The following TXNDC15 variants were observed in gnomAD, a reference collection of about 807,000 sequenced individuals.
TXNDC15 encodes the protein thioredoxin domain containing 15, also known as thioredoxin domain-containing protein 15.
TXNDC15 carries 24 observed loss-of-function variants against 35.0 expected under a neutral mutation model. The ratio of observed to expected loss-of-function variants is 0.68; its 90% CI spans 0.50 to 0.96. The LOEUF (loss-of-function observed/expected upper bound fraction) is 0.96, where lower values mean the gene tolerates loss of function less well. TXNDC15 is among the 40% of genes least tolerant of loss of function. The pLI is 0.00. For missense variants in TXNDC15, 385 were observed against 453.3 expected, an observed-to-expected ratio of 0.85 and a Z score of 1.37; for synonymous variants, 169 against 174.0, an observed-to-expected ratio of 0.97 and a Z score of 0.23.
rs935268318 is a variant in TXNDC15 at position 134,899,946 on chromosome 5, T to G, written c.*261T>G. On this transcript the variant is annotated 3_prime_UTR_variant, in exon 5 of 5. Coordinates refer to ENST00000358387, the MANE Select transcript of TXNDC15 (RefSeq NM_024715.4). ...TGAACGTAATCCAGTATTTGGAAAG[T>G]AATCCAGTTTGAAATGTGAAGATGT... 9 of 344,392 alleles carry G rather than the reference T, an allele frequency of 2.6e-5. No homozygotes were observed. The South Asian group carries it at 3.8e-4, about 14-fold the overall frequency. 21.3% of individuals were successfully genotyped at this position (344,392 alleles called of 1,614,324 possible).
chr5:134,884,882 C>G (rs980320327), intron 1 of TXNDC15, among the ~76,000 whole-genome samples: 5 of 148,894 alleles, frequency 3.4e-5, no homozygotes, highest in Non-Finnish European at 7.4e-5. Flanking sequence ...ATGAATTTTA[C>G]TTTGTTGAAT....
At chr5:134,897,526 G>T (rs1750518097) in intron 4 of TXNDC15, among the ~76,000 whole-genome samples, 1 of 152,246 alleles carries the variant, frequency 6.6e-6, no homozygotes, top group South Asian at 2.1e-4. Context: ...TCAGATTACA[G>T]GTGTGAGCCA....
intron 1 of TXNDC15, among the ~76,000 whole-genome samples, chr5:134,878,022 G>A (rs899303658): frequency 6.6e-6 from 1 of 152,106 alleles, no homozygotes; most frequent in African/African-American, 2.4e-5. Context: ...TGATCTGCCC[G>A]CCTTGACCTC....
At chr5:134,885,201 C>T (rs1254551092) in intron 1 of TXNDC15, among the ~76,000 whole-genome samples, 1 of 152,154 alleles carries the variant, frequency 6.6e-6, no homozygotes, top group Non-Finnish European at 1.5e-5. Context: ...GGATTACAGG[C>T]GTGAGCCACT....
At position 134,900,067 on chromosome 5, in the gene TXNDC15, A is replaced by C. The variant is rs1007174873; in HGVS notation, c.*382A>C. The C allele has an allele frequency of 1.2e-5, 2 of 161,332 alleles. No individual in the cohort carries two copies. Among genetic ancestry groups the C allele is most frequent in the African/African-American group, 4.8e-5 (2 of 41,642 alleles). 10.0% of individuals were successfully genotyped at this position (161,332 alleles called of 1,614,324 possible). A position where few individuals can be genotyped will look rare whatever the true frequency, so the allele number is the denominator to read the frequency against. ...AGTTTAAGGAAACCCTTGATTCCTT[A>C]TATATGTTTAAGAAGGTTAGTTTTC... On this transcript the variant is annotated 3_prime_UTR_variant, in exon 5 of 5. Transcript: ENST00000358387.
intron 1 of TXNDC15, among the ~76,000 whole-genome samples, chr5:134,877,177 A>G (rs1303000839): frequency 6.6e-6 from 1 of 152,102 alleles, no homozygotes; most frequent in Non-Finnish European, 1.5e-5. Flanking sequence ...GAGGAGGATG[A>G]AGGATTTGGC....
chr5:134,887,746 T>G lies in TXNDC15; in HGVS notation c.155T>G (p.Leu52Arg). The G allele has an allele frequency of 6.2e-7, 1 of 1,612,002 alleles. No homozygotes were observed. The highest frequency in any genetic ancestry group is 8.5e-7 in the Non-Finnish European group (1 of 1,178,356). Residue 52 changes from leucine (L) to arginine (R), a missense_variant, in exon 2 of 5, where the codon CTC (leucine) becomes CGC (arginine). Coordinates refer to ENST00000358387, the MANE Select transcript of TXNDC15 (RefSeq NM_024715.4). ...TCAGAGGAGCAGCCTGCTCACCCTC[T>G]CCAGGTGGGGGCTGTGTACCTGGGT... Reference protein sequence around the residue: ...LWSEEQPAHPLQVGAVYLGEE... With the variant: ...LWSEEQPAHPRQVGAVYLGEE...
intron 1 of TXNDC15, among the ~76,000 whole-genome samples, chr5:134,882,952 A>G (rs1382960057): frequency 2.0e-5 from 3 of 152,106 alleles, no homozygotes; most frequent in South Asian, 2.1e-4. Context: ...ATAGAGTGCA[A>G]TTTTCATCTC....
In TXNDC15 at chr5:134,899,564, G is replaced by A; in HGVS notation, c.962G>A (p.Ser321Asn). ...CCTCTTCCCAGCACTTTGATAAAAA[G>A]TGTGGACTGGTTGCTTGTATTTTCC... The part of the protein sequence containing the change: ...IGPLPSTLIK[S>N]VDWLLVFSLF... The change falls in exon 5 of 5, where the codon AGT becomes AAT. Residue 321 changes from serine (S) to asparagine (N), a missense_variant. Ser to Asn is a conservative substitution (Grantham distance 46). Transcript: ENST00000358387. 6.2e-7 allele frequency: 1 copy of A among 1,614,002 alleles called. No homozygotes were observed.
rs376199382 is a variant in TXNDC15 at position 134,874,470 on chromosome 5, C to T, written c.43C>T (p.Leu15Phe). Reference protein sequence around the residue: ...AGRRPPRVMRLLGWWQVLLWV... With the variant: ...AGRRPPRVMRFLGWWQVLLWV... ...TCGACGACCGCCCCGCGTCATGCGG[C>T]TCCTCGGCTGGTGGCAAGTATTGCT... is the stretch of plus-strand genomic sequence containing the variant. The change falls in exon 1 of 5, where the codon CTC becomes TTC. Residue 15 changes from leucine (L) to phenylalanine (F), a missense_variant. Leu to Phe is a conservative substitution (Grantham distance 22). Transcript: ENST00000358387. 1.1e-5 allele frequency: 18 copies of T among 1,606,010 alleles called. No homozygotes were observed. Among genetic ancestry groups the T allele is most frequent in the Non-Finnish European group, 1.5e-5 (18 of 1,177,996 alleles).
Position 134,896,365 on chromosome 5 carries a change from G to A in TXNDC15, c.827G>A (p.Arg276Lys). The change falls in exon 4 of 5, where the codon AGA (arginine) becomes AAA (lysine). Residue 276 changes from arginine (R) to lysine (K), a missense_variant. Coordinates refer to ENST00000358387, the MANE Select transcript of TXNDC15 (RefSeq NM_024715.4). ...TTTCAAGGAGCTAAACCAATGGCCA[G>A]ATTTAATCATACAGATCGAACACTG... ...LLFQGAKPMA[R>K]FNHTDRTLET... The A allele has an allele frequency of 6.2e-7, 1 of 1,614,010 alleles. No homozygotes were observed. Among genetic ancestry groups the A allele is most frequent in the Non-Finnish European group, 8.5e-7 (1 of 1,179,970 alleles).
At chr5:134,883,587 C>CAAAAAAAAAAAAAAAAAA (rs60114636) in intron 1 of TXNDC15, among the ~76,000 whole-genome samples, 13 of 65,360 alleles carry the variant, frequency 2.0e-4, no homozygotes, top group African/African-American at 9.1e-4. Flanking sequence ...GACCCTGTCT[C>CAAAAAAAAAAAAAAAAAA]AAAAAAAAAA....
At chr5:134,887,140 C>G (rs1007619778) in intron 1 of TXNDC15, among the ~76,000 whole-genome samples, 2 of 152,126 alleles carry the variant, frequency 1.3e-5, no homozygotes, top group African/African-American at 4.8e-5. Context: ...TAGGGCAGAG[C>G]TGTGTGTTTG....
intron 2 of TXNDC15, among the ~76,000 whole-genome samples, chr5:134,891,762 A>G (rs1480978754): frequency 6.6e-6 from 1 of 151,930 alleles, no homozygotes; most frequent in Non-Finnish European, 1.5e-5. Context: ...TTATCTCTAC[A>G]AAAAATACAA....
chr5:134,880,085 G>A (rs1332209031), intron 1 of TXNDC15, among the ~76,000 whole-genome samples: 4 of 151,812 alleles, frequency 2.6e-5, no homozygotes, highest in East Asian at 1.9e-4. Context: ...TGTGAGCCAC[G>A]CGCCCAGCCC....
chr5:134,883,422 G>T (rs1750201174), intron 1 of TXNDC15, among the ~76,000 whole-genome samples: 1 of 151,488 alleles, frequency 6.6e-6, no homozygotes. Flanking sequence ...GCAAGACTCT[G>T]TCTCAAAAAA....
chr5:134,892,792 T>A (rs1750414076), intron 2 of TXNDC15: 1 of 152,162 alleles, frequency 6.6e-6, no homozygotes, highest in African/African-American at 2.4e-5. Flanking sequence ...AATTTCAATA[T>A]TGTTGTGTCT....
intron 3 of TXNDC15, among the ~76,000 whole-genome samples, chr5:134,894,122 C>A (rs955804079): frequency 6.6e-6 from 1 of 151,988 alleles, no homozygotes; most frequent in Non-Finnish European, 1.5e-5. Flanking sequence ...TTCCCTCTTT[C>A]CTTCTTTCTT....
chr5:134,884,537 C>G (rs896832758), intron 1 of TXNDC15, among the ~76,000 whole-genome samples: 1 of 151,488 alleles, frequency 6.6e-6, no homozygotes, highest in African/African-American at 2.4e-5. Flanking sequence ...TGTGAGCCAC[C>G]GAGCCCGGCC....
Sources: allele counts gnomAD v4.1 joint callset (sites outside exome capture counted in the v4.1 genomes callset), GRCh38; gene constraint gnomAD v4.1.1; transcripts MANE v1.5; gene names NCBI Gene and HGNC (gene_info 2026-07-23, HGNC 2026-07-21).